The following PTPRD variants were observed in gnomAD, a reference collection of about 807,000 sequenced individuals.
PTPRD encodes receptor-type tyrosine-protein phosphatase delta.
A neutral mutation model predicts 214.5 loss-of-function variants in PTPRD; 34 were observed. The ratio of observed to expected loss-of-function variants is 0.16; its 90% CI spans 0.12 to 0.21. The LOEUF is 0.21. Ranked by LOEUF, PTPRD falls within the 10% of genes least tolerant of loss-of-function variation. The probability of loss-of-function intolerance (pLI) is 1.00; values close to 1 mark genes in which losing one functional copy is unlikely to be tolerated. For missense variants in PTPRD, 2,545 were observed against 2,398.7 expected (o/e 1.06, Z -1.27); for synonymous variants, 1,128 against 845.7 (o/e 1.33, Z -5.79).
chr9:9,230,351 G>C (rs2099962330), intron 9 of PTPRD, among the ~76,000 whole-genome samples: 1 of 152,086 alleles, frequency 6.6e-6, no homozygotes, highest in East Asian at 1.9e-4. Context: ...AATGCTGGGA[G>C]GGTGGCGTAC....
chr9:8,594,599 A>G (rs1427809237), intron 14 of PTPRD, among the ~76,000 whole-genome samples: 1 of 152,020 alleles, frequency 6.6e-6, no homozygotes, highest in East Asian at 1.9e-4. Context: ...AGTTTCCCCC[A>G]TGCTATTCTC....
chr9:10,586,481 C>G (rs569177992), intron 2 of PTPRD, among the ~76,000 whole-genome samples: 5 of 152,052 alleles, frequency 3.3e-5, no homozygotes, highest in African/African-American at 1.2e-4. Context: ...TTAAAGAAAG[C>G]CCAAAAATTG....
intron 11 of PTPRD, among the ~76,000 whole-genome samples, chr9:8,959,667 G>A (rs917228798): frequency 1.3e-5 from 2 of 151,998 alleles, no homozygotes; most frequent in African/African-American, 4.8e-5. Context: ...GATGCAGTAA[G>A]TTGGGAATTA....
At chr9:9,207,095 G>T (rs976007706) in intron 9 of PTPRD, among the ~76,000 whole-genome samples, 6 of 152,092 alleles carry the variant, frequency 3.9e-5, no homozygotes, top group Non-Finnish European at 5.9e-5. Context: ...ATTGCTGATG[G>T]AGTCCATGTG....
chr9:9,181,783 A>G (rs1255487973), intron 10 of PTPRD, among the ~76,000 whole-genome samples: 1 of 152,042 alleles, frequency 6.6e-6, no homozygotes, highest in Non-Finnish European at 1.5e-5. Flanking sequence ...ATGGAGGCAT[A>G]TTTGAAATAT....
intron 5 of PTPRD, among the ~76,000 whole-genome samples, chr9:9,896,911 G>C (rs2075129939): frequency 6.6e-6 from 1 of 151,964 alleles, no homozygotes; most frequent in Non-Finnish European, 1.5e-5. Context: ...AAAAATTGAT[G>C]AGTGAACGTG....
At chr9:9,382,439 C>G (rs943588361) in intron 9 of PTPRD, among the ~76,000 whole-genome samples, 1 of 151,952 alleles carries the variant, frequency 6.6e-6, no homozygotes, top group Non-Finnish European at 1.5e-5. Context: ...TGATAAAGGG[C>G]TAATATCCAA....
At chr9:10,464,420 G>C (rs1168396631) in intron 2 of PTPRD, among the ~76,000 whole-genome samples, 2 of 151,266 alleles carry the variant, frequency 1.3e-5, no homozygotes, top group African/African-American at 4.9e-5. Context: ...GACAGAGAGA[G>C]AGAGAGAGAG....
chr9:9,391,364 G>A (rs10816118), intron 9 of PTPRD, among the ~76,000 whole-genome samples: 40,383 of 151,954 alleles, frequency 0.27, 5,508 homozygotes, highest in Middle Eastern at 0.31. Context: ...CAAAATAAAA[G>A]AATAAAAAAT....
intron 25 of PTPRD, 121 bp from the exon 26 acceptor site, chr9:8,497,389 C>T: frequency 2.7e-6 from 2 of 729,468 alleles, no homozygotes; most frequent in South Asian, 2.8e-5. Context: ...GCAGTGTGTA[C>T]AATAAAATTC....
intron 6 of PTPRD, among the ~76,000 whole-genome samples, chr9:9,764,855 C>A (rs1476957234): frequency 6.6e-6 from 1 of 152,114 alleles, no homozygotes; most frequent in Non-Finnish European, 1.5e-5. Flanking sequence ...AGGAAATGTT[C>A]TAGTTTTCAG....
chr9:9,429,384 G>A (rs538656073), intron 8 of PTPRD, among the ~76,000 whole-genome samples: 1 of 152,176 alleles, frequency 6.6e-6, no homozygotes, highest in East Asian at 1.9e-4. Context: ...ACCAATAGCA[G>A]GCTCTGAAAT....
chr9:9,783,141 A>G (rs1295156618), intron 5 of PTPRD, among the ~76,000 whole-genome samples: 3 of 152,174 alleles, frequency 2.0e-5, no homozygotes, highest in African/African-American at 4.8e-5. Context: ...CTCCCACGCA[A>G]CAGTAATTCT....
chr9:8,752,801 CA>C lies in PTPRD; in HGVS notation c.-103-18856del, dbSNP rs527509432. Among the ~76,000 whole-genome samples the C allele has an allele frequency of 8.8e-3, 1,342 of 152,176 alleles. 21 individuals carry two copies. Among genetic ancestry groups the C allele is most frequent in the African/African-American group, 0.03 (1,258 of 41,526 alleles). On this transcript the variant is annotated intron_variant, in intron 11 of 45. Coordinates refer to ENST00000381196, the MANE Select transcript of PTPRD (RefSeq NM_002839.4). Reference sequence around the variant, plus strand: ...CCAATCATGATCATCTAAGCTGGGCCACCAACAGCAGAACCACCAAGTTGAG... The same window carrying C: ...CCAATCATGATCATCTAAGCTGGGCCCCAACAGCAGAACCACCAAGTTGAG...
intron 14 of PTPRD, among the ~76,000 whole-genome samples, chr9:8,581,456 A>T (rs1213649505): frequency 6.6e-6 from 1 of 152,150 alleles, no homozygotes; most frequent in Non-Finnish European, 1.5e-5. Context: ...AAGAAAGAAA[A>T]GGGTGGCCGG....
At chr9:9,390,467 A>G (rs1322068182) in intron 9 of PTPRD, among the ~76,000 whole-genome samples, 1 of 152,180 alleles carries the variant, frequency 6.6e-6, no homozygotes, top group East Asian at 1.9e-4. Flanking sequence ...GCAGTTCTCC[A>G]GGCCCTCTGA....
chr9:10,567,156 T>G (rs2065886153), intron 2 of PTPRD, among the ~76,000 whole-genome samples: 1 of 152,092 alleles, frequency 6.6e-6, no homozygotes. Context: ...CCAGTGCCTT[T>G]AAGAACAGAG....
intron 9 of PTPRD, among the ~76,000 whole-genome samples, chr9:9,221,806 G>T (rs556591810): frequency 2.0e-5 from 3 of 152,076 alleles, no homozygotes; most frequent in Admixed American, 2.0e-4. Context: ...TGTAGCAGAA[G>T]AAGACAAAGG....
At chr9:9,947,558 T>C (rs2092904910) in intron 4 of PTPRD, among the ~76,000 whole-genome samples, 1 of 37,910 alleles carries the variant, frequency 2.6e-5, no homozygotes, top group Non-Finnish European at 4.2e-5. Context: ...ATATTATATA[T>C]ATATTTTATA....
Sources: gnomAD v4.1 joint callset for allele counts (sites outside exome capture counted in the v4.1 genomes callset) on GRCh38, gnomAD v4.1.1 for gene constraint, MANE v1.5 for transcripts, NCBI Gene and HGNC (gene_info 2026-07-23, HGNC 2026-07-21) for gene names.